The following ADAMTS2 variants were observed in gnomAD, a reference collection of about 807,000 sequenced individuals.
ADAMTS2 encodes A disintegrin and metalloproteinase with thrombospondin motifs 2.
In ADAMTS2, 50 loss-of-function variants were observed where a neutral mutation model predicts 123.0. The observed-to-expected ratio is 0.41, with a 90% confidence interval of 0.32 to 0.51. The LOEUF is 0.51. Ranked by LOEUF, ADAMTS2 falls within the 20% of genes least tolerant of loss-of-function variation. ADAMTS2 has a pLI of 0.35. For synonymous variants in ADAMTS2, 678 were observed against 695.4 expected, an observed-to-expected ratio of 0.98 and a Z score of 0.39; for missense variants, 1,494 against 1,705.2, an observed-to-expected ratio of 0.88 and a Z score of 2.18.
At chr5:179,210,020 T>C (rs1483624983) in intron 3 of ADAMTS2, among the ~76,000 whole-genome samples, 1 of 152,250 alleles carries the variant, frequency 6.6e-6, no homozygotes, top group Non-Finnish European at 1.5e-5. Context: ...TGGTGCCATC[T>C]GGTTGATAGT....
chr5:179,168,016 C>T (rs1763740526), intron 5 of ADAMTS2, among the ~76,000 whole-genome samples: 1 of 152,218 alleles, frequency 6.6e-6, no homozygotes, highest in Non-Finnish European at 1.5e-5. Flanking sequence ...GGCCCTCCTG[C>T]CTCAGACCAG....
intron 10 of ADAMTS2, among the ~76,000 whole-genome samples, chr5:179,148,947 G>GT (rs1444220456): frequency 9.6e-6 from 1 of 104,176 alleles, no homozygotes; most frequent in Non-Finnish European, 2.0e-5. Flanking sequence ...CCCCTGGGGG[G>GT]TCCTAGCCAT....
In ADAMTS2 at chr5:179,126,033, G is replaced by A; in HGVS notation, c.2715C>T (p.Arg905=). 1.2e-6 allele frequency: 2 copies of A among 1,613,470 alleles called. No homozygotes were observed. The highest frequency in any genetic ancestry group is 1.7e-6 in the Non-Finnish European group (2 of 1,180,030). ...CAALSKPKAI[R]RACNPQECSQ... ...AGCATTCCTGTGGGTTGCACGCTCT[G>A]CGGATGGCTTTGGGCTTCGAGAGGG... The change falls in exon 18 of 22, where the codon CGC becomes CGT. Residue 905 remains arginine (R), a synonymous_variant. Transcript: ENST00000251582.
At chr5:179,148,024 G>A (rs1171741721) in intron 10 of ADAMTS2, among the ~76,000 whole-genome samples, 1 of 152,138 alleles carries the variant, frequency 6.6e-6, no homozygotes, top group African/African-American at 2.4e-5. Context: ...TGAGCTTCAT[G>A]GTAAATCGAC....
At chr5:179,190,226 G>T (rs1294323566) in intron 4 of ADAMTS2, among the ~76,000 whole-genome samples, 1 of 152,134 alleles carries the variant, frequency 6.6e-6, no homozygotes, top group Admixed American at 6.5e-5. Flanking sequence ...ATTTTTGGGG[G>T]TGATATGGAG....
intron 2 of ADAMTS2, among the ~76,000 whole-genome samples, chr5:179,322,107 C>T (rs540224469): frequency 6.6e-6 from 1 of 152,330 alleles, no homozygotes; most frequent in East Asian, 1.9e-4. Flanking sequence ...AAGCTAATGG[C>T]ACTGCAGGGA....
chr5:179,300,254 G>A (rs950298098), intron 2 of ADAMTS2, among the ~76,000 whole-genome samples: 17 of 152,178 alleles, frequency 1.1e-4, no homozygotes, highest in Non-Finnish European at 1.9e-4. Context: ...CTCGGGACTG[G>A]GACATGGACA....
In ADAMTS2 at chr5:179,158,757, G is replaced by A. The variant is rs374671543; in HGVS notation, c.1098C>T (p.Leu366=). The part of the protein sequence containing the change: ...HDEYHDHAIF[L]TRQDFGPSGM... ...CGGAAGGCCCAAAGTCCTGCCGTGT[G>A]AGGAAGATGGCGTGATCGTGGTATT... The change falls in exon 6 of 22, where the codon CTC becomes CTT. Residue 366 remains leucine (L), a synonymous_variant. Transcript: ENST00000251582. This position sits in a 1 kb window ranked among gnomAD's most constrained non-coding sequence, Gnocchi z 5.0. The A allele has an allele frequency of 1.9e-6, 3 of 1,614,248 alleles. No homozygotes were observed. Among genetic ancestry groups the A allele is most frequent in the Non-Finnish European group, 2.5e-6 (3 of 1,180,052 alleles).
chr5:179,264,198 G>C (rs1044361517), intron 3 of ADAMTS2, among the ~76,000 whole-genome samples: 5 of 152,010 alleles, frequency 3.3e-5, no homozygotes, highest in African/African-American at 1.2e-4. Flanking sequence ...CTATCCCCAA[G>C]AGGCCTCTGT....
chr5:179,276,803 C>T (rs1006899193), intron 2 of ADAMTS2, among the ~76,000 whole-genome samples: 1 of 152,174 alleles, frequency 6.6e-6, no homozygotes, highest in African/African-American at 2.4e-5. Context: ...TATGGCAGCT[C>T]CATCTTCTGG....
chr5:179,122,053 C>T (rs761300548), intron 20 of ADAMTS2, among the ~76,000 whole-genome samples: 7 of 152,144 alleles, frequency 4.6e-5, no homozygotes, highest in Non-Finnish European at 8.8e-5. Flanking sequence ...GCCCCGGGTT[C>T]CACCTGCTGA....
intron 3 of ADAMTS2, among the ~76,000 whole-genome samples, chr5:179,239,352 G>A (rs976307236): frequency 4.6e-5 from 7 of 152,214 alleles, no homozygotes; most frequent in African/African-American, 1.7e-4. Flanking sequence ...CCTAACTGCA[G>A]AGCTTTGGCT....
rs577737589 is a variant in ADAMTS2, at chr5:179,162,219, C to A, written c.976-3340G>T. ...CCCTTGTTTCCCTTTCGTGAAACTT[C>A]CCCTCCTTTAATCTGAGTCAGACCC... On this transcript the variant is annotated intron_variant, in intron 5 of 21. Transcript: ENST00000251582. The surrounding 1 kb of genome is among the most constrained non-coding windows in gnomAD (Gnocchi z 5.1). 6.6e-6 allele frequency among the ~76,000 whole-genome samples: 1 copy of A among 152,284 alleles called. No individual in the cohort carries two copies. The highest frequency in any genetic ancestry group is 2.1e-4 in the South Asian group (1 of 4,828).
chr5:179,328,166 G>A (rs1000068852), intron 2 of ADAMTS2, among the ~76,000 whole-genome samples: 7 of 152,182 alleles, frequency 4.6e-5, no homozygotes, highest in African/African-American at 1.7e-4. Context: ...CCGAGTAGCT[G>A]GGACTACAGG....
Position 179,345,065 on chromosome 5 carries a change from C to G in ADAMTS2, c.139+125G>C. ...GGCCCCGAAGTTGGCCAACTTGGCC[C>G]CGGGCGGGGCGCGCGGAGTTTGCCC... is the stretch of plus-strand genomic sequence containing the variant. On this transcript the variant is annotated intron_variant, in intron 1 of 21. Transcript: ENST00000251582. The surrounding 1 kb of genome is among the most constrained non-coding windows in gnomAD (Gnocchi z 7.5). 1.3e-6 allele frequency: 1 copy of G among 775,970 alleles called. No homozygotes were observed. The highest frequency in any genetic ancestry group is 1.6e-6 in the Non-Finnish European group (1 of 627,634). The allele number at this position is 775,970 out of a possible 1,614,324, so 48.1% of individuals were successfully genotyped here.
intron 4 of ADAMTS2, among the ~76,000 whole-genome samples, chr5:179,203,627 G>A (rs1328121070): frequency 6.6e-6 from 1 of 152,216 alleles, no homozygotes; most frequent in Non-Finnish European, 1.5e-5. Context: ...GCAGCTGCCA[G>A]CCACACTGCG....
At chr5:179,227,817 C>A (rs1765321860) in intron 3 of ADAMTS2, among the ~76,000 whole-genome samples, 1 of 150,984 alleles carries the variant, frequency 6.6e-6, no homozygotes, top group African/African-American at 2.5e-5. Context: ...GGGAGGAGGG[C>A]AGAAGTGCAG....
At chr5:179,299,454 A>G (rs111890921) in intron 2 of ADAMTS2, among the ~76,000 whole-genome samples, 2,541 of 129,534 alleles carry the variant, frequency 0.02, 58 homozygotes, top group Non-Finnish European at 0.029. Context: ...GTGTGAACCC[A>G]GGAGGCGGAG....
rs1415323144 is a variant in ADAMTS2, at chr5:179,207,670, A to G, written c.734T>C (p.Val245Ala). The change falls in exon 4 of 22, where the codon GTC becomes GCC. Residue 245 changes from valine to alanine, a missense_variant. This residue lies in a region of ADAMTS2 where 184 missense variants were observed against 152.1 expected (regional missense o/e 1.21). Coordinates refer to ENST00000251582, the MANE Select transcript of ADAMTS2 (RefSeq NM_014244.5). ...SLDSLSRALG[V>A]LEEHANSSRR... ...CGAGCTGTTGGCGTGCTCCTCTAGG[A>G]CGCCCAGGGCGCGGCTGAGGCTGTC... 23 of 1,613,306 alleles carry G rather than the reference A, an allele frequency of 1.4e-5. No individual in the cohort carries two copies. The highest frequency in any genetic ancestry group is 1.9e-5 in the Non-Finnish European group (23 of 1,180,020).
Sources: allele counts gnomAD v4.1 joint callset (sites outside exome capture counted in the v4.1 genomes callset), GRCh38; gene constraint gnomAD v4.1.1; regional missense constraint gnomAD v4.1.1; non-coding constraint Gnocchi (gnomAD v3.1); transcripts MANE v1.5; gene names NCBI Gene and HGNC (gene_info 2026-07-23, HGNC 2026-07-21).